The following LRRTM4 variants were observed in gnomAD, a reference collection of about 807,000 sequenced individuals.
LRRTM4 encodes the protein leucine-rich repeat transmembrane neuronal protein 4.
LRRTM4 carries 25 observed loss-of-function variants against 47.6 expected under a neutral mutation model. That is an observed-to-expected ratio of 0.53 (90% confidence interval 0.38 to 0.73). The LOEUF (loss-of-function observed/expected upper bound fraction) is 0.73. Among genes scored for constraint, LRRTM4 ranks in the 30% least tolerant of loss-of-function variants. LRRTM4 has a pLI of 0.00. For synonymous variants in LRRTM4, 311 were observed against 269.5 expected, an observed-to-expected ratio of 1.15 and a Z score of -1.51; for missense variants, 638 against 713.4, an observed-to-expected ratio of 0.89 and a Z score of 1.20.
intron 3 of LRRTM4, among the ~76,000 whole-genome samples, chr2:77,106,942 C>A (rs1038009669): frequency 5.9e-5 from 9 of 151,434 alleles, no homozygotes; most frequent in African/African-American, 1.7e-4. Context: ...CCTGCATATA[C>A]ATCTATCTGA....
chr2:77,173,346 T>G (rs75345724), intron 3 of LRRTM4, among the ~76,000 whole-genome samples: 1,572 of 152,288 alleles, frequency 0.01, 15 homozygotes, highest in African/African-American at 0.036. Flanking sequence ...TACTCTTTTA[T>G]TTTTGATCTC....
At position 77,002,011 on chromosome 2, in the gene LRRTM4, G is replaced by C. The variant is rs1677448036; in HGVS notation, c.1552-253095C>G. The stretch of plus-strand genomic sequence containing the variant: ...TTTTCAATAAAAGCTTATGTTAATA[G>C]GGCTTGATTGATTTTCTTCCACACA... On this transcript the variant is annotated intron_variant, in intron 3 of 3. Transcript: ENST00000409884. Among the ~76,000 whole-genome samples the C allele has an allele frequency of 2.0e-5, 3 of 152,054 alleles. No individual in the cohort carries two copies. In the South Asian group the frequency reaches 6.2e-4, roughly 31 times the overall value.
At chr2:76,832,324 T>G (rs996105114) in intron 3 of LRRTM4, among the ~76,000 whole-genome samples, 2 of 151,964 alleles carry the variant, frequency 1.3e-5, no homozygotes, top group African/African-American at 4.8e-5. Context: ...TCAGATTGAT[T>G]AAAAGATCAC....
chr2:77,498,361 A>G (rs979756473), intron 3 of LRRTM4, among the ~76,000 whole-genome samples: 9 of 151,678 alleles, frequency 5.9e-5, no homozygotes, highest in African/African-American at 9.7e-5. Context: ...CCAGACTCCA[A>G]ATTTTTTCCC....
intron 3 of LRRTM4, among the ~76,000 whole-genome samples, chr2:77,200,907 C>T (rs1673955539): frequency 1.3e-5 from 2 of 152,098 alleles, no homozygotes; most frequent in African/African-American, 4.8e-5. Context: ...TGAACTCCAC[C>T]TGCCACAACT....
At chr2:77,335,805 C>T (rs757406754) in intron 3 of LRRTM4, among the ~76,000 whole-genome samples, 6 of 152,076 alleles carry the variant, frequency 3.9e-5, no homozygotes, top group African/African-American at 7.2e-5. Flanking sequence ...CCAAATTAGG[C>T]TCATTCTTAT....
chr2:77,082,856 A>G (rs935277487), intron 3 of LRRTM4, among the ~76,000 whole-genome samples: 1 of 152,114 alleles, frequency 6.6e-6, no homozygotes, highest in African/African-American at 2.4e-5. Context: ...TATACATAAT[A>G]AAAGTAATAT....
chr2:77,458,115 T>A (rs1022154482), intron 3 of LRRTM4, among the ~76,000 whole-genome samples: 5 of 152,122 alleles, frequency 3.3e-5, no homozygotes, highest in African/African-American at 1.2e-4. Context: ...ATGTCCAATA[T>A]TTTTTTACCC....
chr2:77,334,808 A>T (rs536764371), intron 3 of LRRTM4, among the ~76,000 whole-genome samples: 18 of 152,200 alleles, frequency 1.2e-4, no homozygotes, highest in Non-Finnish European at 2.4e-4. Flanking sequence ...TTAGTCAAAG[A>T]TAGGATACTA....
chr2:76,959,055 C>T (rs1573369547), intron 3 of LRRTM4, among the ~76,000 whole-genome samples: 2 of 151,780 alleles, frequency 1.3e-5, no homozygotes, highest in Admixed American at 1.3e-4. Context: ...GCTTTTTGGC[C>T]ACTTTCTGCA....
At chr2:77,307,473 T>C (rs1305008002) in intron 3 of LRRTM4, among the ~76,000 whole-genome samples, 4 of 147,908 alleles carry the variant, frequency 2.7e-5, no homozygotes, top group South Asian at 4.2e-4. Flanking sequence ...TCAATGTTTA[T>C]ATACATACAT....
At chr2:77,384,871 A>C (rs1007346324) in intron 3 of LRRTM4, among the ~76,000 whole-genome samples, 3 of 152,116 alleles carry the variant, frequency 2.0e-5, no homozygotes, top group Admixed American at 6.6e-5. Flanking sequence ...CTATAAGCTA[A>C]AATCCACCTC....
At chr2:76,844,160 A>G (rs1671771113) in intron 3 of LRRTM4, among the ~76,000 whole-genome samples, 1 of 148,234 alleles carries the variant, frequency 6.7e-6, no homozygotes, top group Admixed American at 6.7e-5. Flanking sequence ...CTCAAGACAG[A>G]CTCTCACGCT....
chr2:77,079,940 G>A lies in LRRTM4; in HGVS notation c.1552-331024C>T, dbSNP rs892949029. Among the ~76,000 whole-genome samples the A allele has an allele frequency of 4.5e-4, 69 of 151,798 alleles. 1 individual carries two copies. Among genetic ancestry groups the A allele is most frequent in the Admixed American group, 4.4e-3 (67 of 15,234 alleles). ...TTATGATAGAAATATATTTTTAAAT[G>A]TACCTTTAAAGATTAAACTGTTTTG... On this transcript the variant is annotated intron_variant, in intron 3 of 3. Transcript: ENST00000409884.
At chr2:77,063,043 C>T (rs1679841741) in intron 3 of LRRTM4, among the ~76,000 whole-genome samples, 1 of 151,122 alleles carries the variant, frequency 6.6e-6, no homozygotes, top group Admixed American at 6.6e-5. Flanking sequence ...CAACCTCCAC[C>T]TCCAGGGTTC....
chr2:76,908,922 G>C (rs1673948385), intron 3 of LRRTM4, among the ~76,000 whole-genome samples: 1 of 152,130 alleles, frequency 6.6e-6, no homozygotes, highest in Non-Finnish European at 1.5e-5. Flanking sequence ...TACTGCCCAA[G>C]GTAATTGATA....
rs537726868 is a variant in LRRTM4 at position 76,753,773 on chromosome 2, T to C, written c.1552-4857A>G. ...TTAAAGTGAGAAATGAACATGTCTG[T>C]ATAGTAAATGTGAGAGCAATGTGAA... On this transcript the variant is annotated intron_variant, in intron 3 of 3. Transcript: ENST00000409884. Among the ~76,000 whole-genome samples the C allele has an allele frequency of 2.6e-5, 4 of 152,294 alleles. No homozygotes were observed. The East Asian group carries it at 7.7e-4, about 29-fold the overall frequency.
At chr2:76,916,349 C>T (rs1433025617) in intron 3 of LRRTM4, among the ~76,000 whole-genome samples, 1 of 132,380 alleles carries the variant, frequency 7.6e-6, no homozygotes, top group African/African-American at 2.9e-5. Context: ...CGTGCCACCG[C>T]ACTCCAGCCT....
At chr2:77,459,091 T>A (rs1676675891) in intron 3 of LRRTM4, among the ~76,000 whole-genome samples, 2 of 152,046 alleles carry the variant, frequency 1.3e-5, no homozygotes, top group Admixed American at 1.3e-4. Flanking sequence ...TTCAAAAAGT[T>A]CAGACATTCA....
Sources: gnomAD v4.1 joint callset for allele counts (sites outside exome capture counted in the v4.1 genomes callset) on GRCh38, gnomAD v4.1.1 for gene constraint, MANE v1.5 for transcripts, NCBI Gene and HGNC (gene_info 2026-07-23, HGNC 2026-07-21) for gene names.